Variants in SEPTIN6 observed in about 807,000 individuals in gnomAD.
SEPTIN6 encodes the protein septin-6.
SEPTIN6 carries 8 observed loss-of-function variants against 33.6 expected under a neutral mutation model. The ratio of observed to expected loss-of-function variants is 0.24; its 90% CI spans 0.14 to 0.43. The LOEUF (loss-of-function observed/expected upper bound fraction) is 0.43. Ranked by LOEUF, SEPTIN6 falls within the 20% of genes least tolerant of loss-of-function variation. The pLI is 1.00. For synonymous variants in SEPTIN6, 131 were observed against 140.0 expected, an observed-to-expected ratio of 0.94 and a Z score of 0.45; for missense variants, 250 against 340.8, an observed-to-expected ratio of 0.73 and a Z score of 2.10.
At chrX:119,628,818 C>CT (rs1387817870) in intron 9 of SEPTIN6, 12 of 92,435 alleles carry the variant, frequency 1.3e-4, no homozygotes, top group African/African-American at 1.2e-4. Context: ...TTTTTTTTTT[C>CT]TTTTTTTTTT....
chrX:119,644,795 G>A (rs1353196917), intron 5 of SEPTIN6, among the ~76,000 whole-genome samples: 2 of 109,186 alleles, frequency 1.8e-5, no homozygotes, highest in African/African-American at 3.3e-5. Context: ...GTGGTTAGCC[G>A]AGCCAAGATC....
downstream of SEPTIN6, chrX:119,616,130 T>C (rs1834601437): frequency 5.2e-6 from 1 of 191,905 alleles, no homozygotes; most frequent in African/African-American, 2.9e-5. Context: ...TGGAGTAATT[T>C]TGCCCTCACT....
intron 1 of SEPTIN6, among the ~76,000 whole-genome samples, chrX:119,690,222 A>G (rs762795376): frequency 9.0e-6 from 1 of 111,166 alleles, no homozygotes; most frequent in Admixed American, 9.6e-5. Flanking sequence ...TTGAACTTCC[A>G]AGTTGGCTGC....
intron 2 of SEPTIN6, among the ~76,000 whole-genome samples, chrX:119,673,862 GAAAGAAAGAAAAGA>G (rs2054794522): frequency 3.3e-5 from 3 of 90,129 alleles, no homozygotes; most frequent in Non-Finnish European, 6.7e-5. Flanking sequence ...AAAAAAAAAA[GAAAGAAAGAAAAGA>G]AAAGAAAGAA....
chrX:119,626,174 T>C (rs2053853181), intron 9 of SEPTIN6, among the ~76,000 whole-genome samples: 1 of 111,810 alleles, frequency 8.9e-6, no homozygotes, highest in Admixed American at 9.5e-5. Context: ...CATTTCAGAA[T>C]TGGAAAGGGG....
At chrX:119,681,563 GA>G (rs61202455) in intron 1 of SEPTIN6, among the ~76,000 whole-genome samples, 13,870 of 104,950 alleles carry the variant, frequency 0.13, 2,283 homozygotes, top group African/African-American at 0.45. Context: ...TTATAATGCT[GA>G]AAAAAAAAAC....
rs57766875 is a variant in SEPTIN6, at chrX:119,618,165, AT to A, written c.*1927del. 18,098 of 640,561 alleles carry A rather than the reference AT, an allele frequency of 0.028. 15 individuals carry two copies. The highest frequency in any genetic ancestry group is 0.055 in the African/African-American group (1,806 of 32,687). 52.8% of individuals were successfully genotyped at this position (640,561 alleles called of 1,213,427 possible). A position where few individuals can be genotyped will look rare whatever the true frequency, so the allele number is the denominator to read the frequency against. Reference sequence around the variant, plus strand: ...AGCTACTGGCTGAGTATCTGAGCAGATTTTTTTTTTTTTTTTTTTGGTCGTT... The same window carrying A: ...AGCTACTGGCTGAGTATCTGAGCAGATTTTTTTTTTTTTTTTTTGGTCGTT... On this transcript the variant is annotated 3_prime_UTR_variant, in exon 11 of 11. Transcript: ENST00000394610.
chrX:119,678,527 A>T, intron 1 of SEPTIN6, among the ~76,000 whole-genome samples: 1 of 108,955 alleles, frequency 9.2e-6, no homozygotes, highest in Middle Eastern at 4.2e-3. Context: ...TCAAAAAAAA[A>T]AAAATAAATA....
intron 5 of SEPTIN6, among the ~76,000 whole-genome samples, chrX:119,642,535 C>A (rs1180095815): frequency 9.1e-6 from 1 of 110,431 alleles, no homozygotes; most frequent in Non-Finnish European, 1.9e-5. Flanking sequence ...TGGTCTGCTA[C>A]CTCCATTTAG....
chrX:119,618,611 GA>G lies in SEPTIN6; in HGVS notation c.*1481del. 1 of 1,047,621 alleles carries G rather than the reference GA, an allele frequency of 9.5e-7. No individual in the cohort carries two copies. The highest frequency in any genetic ancestry group is 3.3e-5 in the South Asian group (1 of 30,487). The allele number at this position is 1,047,621 out of a possible 1,213,427, so 86.3% of individuals were successfully genotyped here. A position where few individuals can be genotyped will look rare whatever the true frequency, so the allele number is the denominator to read the frequency against. ...GGCTGGGAGGCAGGAGCAAGTTGCG[GA>G]ACTCAAAAAGAAGAAGTGAGCTTGA... On this transcript the variant is annotated 3_prime_UTR_variant, in exon 11 of 11. Coordinates refer to ENST00000394610, the MANE Select transcript of SEPTIN6 (RefSeq NM_145799.4).
chrX:119,684,482 G>GTTT (rs1199777223), intron 1 of SEPTIN6, among the ~76,000 whole-genome samples: 7,755 of 79,356 alleles, frequency 0.098, 437 homozygotes, highest in South Asian at 0.17. Flanking sequence ...GTTCCCAGAG[G>GTTT]TTTTTTTTTT....
chrX:119,626,008 G>A (rs1264271085), intron 9 of SEPTIN6, among the ~76,000 whole-genome samples: 6 of 112,172 alleles, frequency 5.3e-5, no homozygotes, highest in Non-Finnish European at 9.4e-5. Flanking sequence ...CAGGTCTAAC[G>A]GTGGCTCTTC....
chrX:119,634,301 G>A (rs993412668), intron 7 of SEPTIN6, among the ~76,000 whole-genome samples: 2 of 106,041 alleles, frequency 1.9e-5, no homozygotes, highest in Non-Finnish European at 3.9e-5. Context: ...CCTGCTAGGC[G>A]AAGGTTGAAG....
At chrX:119,623,290 A>C (rs921624186) in intron 10 of SEPTIN6, among the ~76,000 whole-genome samples, 1 of 112,128 alleles carries the variant, frequency 8.9e-6, no homozygotes, top group African/African-American at 3.2e-5. Flanking sequence ...TTAATGAATT[A>C]TTGTTCATTT....
At chrX:119,660,203 G>T (rs151280328) in intron 3 of SEPTIN6, among the ~76,000 whole-genome samples, 1 of 112,302 alleles carries the variant, frequency 8.9e-6, no homozygotes, top group African/African-American at 3.2e-5. Flanking sequence ...GTAGCTTTCC[G>T]CAGTATCCGG....
chrX:119,680,694 T>C (rs1261584912), intron 1 of SEPTIN6, among the ~76,000 whole-genome samples: 2 of 110,218 alleles, frequency 1.8e-5, no homozygotes, highest in Non-Finnish European at 3.8e-5. Flanking sequence ...TTCAAAAATG[T>C]ATTTGTGGCC....
chrX:119,653,995 G>C (rs1447568729), intron 3 of SEPTIN6, among the ~76,000 whole-genome samples: 2 of 110,391 alleles, frequency 1.8e-5, no homozygotes, highest in East Asian at 2.8e-4. Context: ...CTTGAACCCG[G>C]AAGGCAGAGG....
At chrX:119,629,832 A>G (rs2147464522) in intron 8 of SEPTIN6, among the ~76,000 whole-genome samples, 1 of 111,991 alleles carries the variant, frequency 8.9e-6, no homozygotes, top group South Asian at 3.7e-4. Flanking sequence ...ATAATATAAC[A>G]TTTACTGAGT....
chrX:119,642,967 G>A (rs748538151), intron 5 of SEPTIN6, among the ~76,000 whole-genome samples: 1 of 111,304 alleles, frequency 9.0e-6, no homozygotes, highest in East Asian at 2.8e-4. Context: ...AGGTGGGTGT[G>A]GGGTGGAGGT....
Sources: allele counts gnomAD v4.1 joint callset (sites outside exome capture counted in the v4.1 genomes callset), GRCh38; gene constraint gnomAD v4.1.1; transcripts MANE v1.5; gene names NCBI Gene and HGNC (gene_info 2026-07-23, HGNC 2026-07-21).